The following RANBP2 variants were observed in gnomAD, a reference collection of about 807,000 sequenced individuals.
The protein encoded by RANBP2 is E3 SUMO-protein ligase RanBP2.
Under a neutral mutation model 303.6 loss-of-function variants are expected in RANBP2, and 57 were observed. The observed-to-expected ratio is 0.19, with a 90% CI of 0.15 to 0.23. The LOEUF is 0.23. RANBP2 is among the 10% of genes least tolerant of loss of function. The pLI, the probability that RANBP2 is intolerant of heterozygous loss-of-function variation, is 1.00. For synonymous variants in RANBP2, 1,167 were observed against 1,301.5 expected, an observed-to-expected ratio of 0.90 and a Z score of 2.23; for missense variants, 3,138 against 3,780.8, an observed-to-expected ratio of 0.83 and a Z score of 4.46.
the RANBP2 span, among the ~76,000 whole-genome samples, chr2:109,284,829 T>G: frequency 6.6e-6 from 1 of 152,128 alleles, no homozygotes; most frequent in South Asian, 2.1e-4. Context: ...GTGTGGGGTG[T>G]GTGTGTTTAA....
chr2:109,707,369 C>T, the RANBP2 span, among the ~76,000 whole-genome samples: 2 of 152,172 alleles, frequency 1.3e-5, no homozygotes, highest in Admixed American at 1.3e-4. Flanking sequence ...TGACATAGCA[C>T]CATTGCTTCC....
At chr2:109,206,664 A>T in the RANBP2 span, among the ~76,000 whole-genome samples, 1,372 of 152,174 alleles carry the variant, frequency 9.0e-3, 18 homozygotes, top group African/African-American at 0.031. Context: ...AATTTTTTTT[A>T]AATTAGCTGG....
chr2:109,228,085 T>C, the RANBP2 span, among the ~76,000 whole-genome samples: 1 of 152,198 alleles, frequency 6.6e-6, no homozygotes, highest in African/African-American at 2.4e-5. Context: ...TTTGGTACTT[T>C]TACTCTCTCT....
At chr2:109,645,020 C>A in the RANBP2 span, among the ~76,000 whole-genome samples, 8 of 152,212 alleles carry the variant, frequency 5.3e-5, no homozygotes, top group Admixed American at 5.2e-4. Context: ...CTTTGTTTGC[C>A]TCCCGACTGT....
At chr2:109,644,280 C>G in the RANBP2 span, among the ~76,000 whole-genome samples, 3 of 152,162 alleles carry the variant, frequency 2.0e-5, no homozygotes, top group Non-Finnish European at 2.9e-5. Flanking sequence ...GCACTCCAGC[C>G]TGGGCAACAG....
chr2:109,240,896 C>T, the RANBP2 span, among the ~76,000 whole-genome samples: 1 of 146,302 alleles, frequency 6.8e-6, no homozygotes, highest in Non-Finnish European at 1.5e-5. Flanking sequence ...CTCTCTGTCT[C>T]TCTGTCTTGC....
the RANBP2 span, among the ~76,000 whole-genome samples, chr2:108,824,185 A>G: frequency 6.6e-6 from 1 of 152,142 alleles, no homozygotes; most frequent in Admixed American, 6.6e-5. Flanking sequence ...TTCTTCATTA[A>G]CAAATTAAGC....
At chr2:109,483,670 C>A in the RANBP2 span, among the ~76,000 whole-genome samples, 2 of 152,238 alleles carry the variant, frequency 1.3e-5, no homozygotes, top group Admixed American at 6.5e-5. Context: ...AGGCTGGACA[C>A]ACAAAGGAGT....
At chr2:109,594,504 G>A in the RANBP2 span, among the ~76,000 whole-genome samples, 1 of 152,094 alleles carries the variant, frequency 6.6e-6, no homozygotes, top group Non-Finnish European at 1.5e-5. Flanking sequence ...AGACTGTTTC[G>A]CAGTAGTATT....
At chr2:109,565,896 T>C in the RANBP2 span, 1 of 1,485,444 alleles carries the variant, frequency 6.7e-7, no homozygotes, top group Non-Finnish European at 9.4e-7. Flanking sequence ...CTCATACCAC[T>C]GTGATAACTG....
the RANBP2 span, among the ~76,000 whole-genome samples, chr2:109,489,277 C>G: frequency 1.3e-5 from 2 of 152,240 alleles, no homozygotes; most frequent in African/African-American, 4.8e-5. Context: ...GACACCTTAT[C>G]GGGTGGAGAC....
the RANBP2 span, among the ~76,000 whole-genome samples, chr2:109,359,989 T>C: frequency 6.6e-6 from 1 of 150,436 alleles, no homozygotes; most frequent in South Asian, 2.1e-4. Flanking sequence ...TTAAAAGCCA[T>C]CCAGCAGAAT....
At chr2:109,554,955 G>C in the RANBP2 span, among the ~76,000 whole-genome samples, 2 of 152,224 alleles carry the variant, frequency 1.3e-5, no homozygotes, top group African/African-American at 2.4e-5. Context: ...AGGTCCATTA[G>C]TTCAGCTTCT....
the RANBP2 span, among the ~76,000 whole-genome samples, chr2:109,057,938 C>T: frequency 2.6e-5 from 4 of 152,202 alleles, no homozygotes; most frequent in Non-Finnish European, 5.9e-5. Context: ...TCAGTAGTCG[C>T]TCATTATGCT....
At chr2:109,030,044 TTTACTGCCTCC>T in the RANBP2 span, among the ~76,000 whole-genome samples, 1 of 152,246 alleles carries the variant, frequency 6.6e-6, no homozygotes, top group Non-Finnish European at 1.5e-5. Context: ...GAGTCTTAGA[TTTACTGCCTCC>T]TTGACATCAT....
the RANBP2 span, among the ~76,000 whole-genome samples, chr2:108,810,917 A>G: frequency 1.3e-5 from 2 of 152,102 alleles, no homozygotes; most frequent in African/African-American, 4.8e-5. Flanking sequence ...CTTACGTTAT[A>G]TGTGCCTAGG....
chr2:109,131,738 G>C, the RANBP2 span, among the ~76,000 whole-genome samples: 1 of 152,186 alleles, frequency 6.6e-6, no homozygotes, highest in Non-Finnish European at 1.5e-5. Flanking sequence ...GTGACATTTA[G>C]TATTAGCAGG....
the RANBP2 span, among the ~76,000 whole-genome samples, chr2:108,889,532 A>G: frequency 6.6e-6 from 1 of 151,848 alleles, no homozygotes; most frequent in Non-Finnish European, 1.5e-5. Flanking sequence ...CTTTATCATT[A>G]TATAATAACC....
the RANBP2 span, chr2:108,906,267 G>A: frequency 6.2e-7 from 1 of 1,606,618 alleles, no homozygotes; most frequent in African/African-American, 1.4e-5. Flanking sequence ...TCATGTCGGT[G>A]GGGTGGGCAC....
Sources: gnomAD v4.1 joint callset for allele counts (sites outside exome capture counted in the v4.1 genomes callset) on GRCh38, gnomAD v4.1.1 for gene constraint, MANE v1.5 for transcripts, NCBI Gene and HGNC (gene_info 2026-07-23, HGNC 2026-07-21) for gene names.